Variants in PLXNA4 observed in about 807,000 individuals in gnomAD.
PLXNA4 encodes plexin A4.
PLXNA4 carries 44 observed loss-of-function variants against 191.8 expected under a neutral mutation model. That is an observed-to-expected ratio of 0.23 (90% CI 0.18 to 0.29). The LOEUF is 0.29. Ranked by LOEUF, PLXNA4 falls within the 10% of genes least tolerant of loss-of-function variation. The probability of loss-of-function intolerance (pLI) is 1.00; values close to 1 mark genes in which losing one functional copy is unlikely to be tolerated. For synonymous variants in PLXNA4, 1,082 were observed against 1,009.5 expected, an observed-to-expected ratio of 1.07 and a Z score of -1.36; for missense variants, 1,800 against 2,488.8, an observed-to-expected ratio of 0.72 and a Z score of 5.89.
intron 4 of PLXNA4, among the ~76,000 whole-genome samples, chr7:132,251,180 T>C (rs1417310552): frequency 6.6e-6 from 1 of 151,948 alleles, no homozygotes; most frequent in Non-Finnish European, 1.5e-5. Context: ...CTTCATCAGC[T>C]GTACTCCTAG....
chr7:132,327,874 TC>T (rs1029967053), intron 3 of PLXNA4, among the ~76,000 whole-genome samples: 30 of 152,134 alleles, frequency 2.0e-4, no homozygotes, highest in African/African-American at 7.2e-4. Context: ...ACCAGCCTCC[TC>T]CCCCATCACT....
intron 31 of PLXNA4, among the ~76,000 whole-genome samples, chr7:132,132,405 C>CTGTTCTGTTCTGTTCTGTTCTGTTCTGT (rs1563047881): frequency 1.6e-4 from 5 of 30,804 alleles, no homozygotes; most frequent in African/African-American, 7.9e-4. Context: ...CTGTTCTGTT[C>CTGTTCTGTTCTGTTCTGTTCTGTTCTGT]TGTTCTGTTC....
chr7:132,416,488 A>C (rs922215391), intron 3 of PLXNA4, among the ~76,000 whole-genome samples: 3 of 152,156 alleles, frequency 2.0e-5, no homozygotes, highest in African/African-American at 7.2e-5. Context: ...CATCCCACCC[A>C]GCCTGTCATT....
chr7:132,181,500 C>A lies in PLXNA4; in HGVS notation c.3373G>T (p.Val1125Phe), dbSNP rs544769667. The change falls in exon 18 of 32, where the codon GTC becomes TTC. Residue 1125 changes from valine (V) to phenylalanine (F), a missense_variant. Physicochemically the swap from Val to Phe is conservative, Grantham distance 50. Transcript: ENST00000321063. ...PEEFGFILDN[V>F]QSLLILNKTN... ...TTGTTGAGGATGAGCAGGGACTGGA[C>A]GTTGTCCAGGATGAAGCCAAACTCC... The A allele has an allele frequency of 6.2e-7, 1 of 1,613,984 alleles. No individual in the cohort carries two copies. The highest frequency in any genetic ancestry group is 1.7e-5 in the Admixed American group (1 of 59,996).
intron 3 of PLXNA4, among the ~76,000 whole-genome samples, chr7:132,404,189 C>T (rs1794115864): frequency 1.3e-5 from 2 of 152,184 alleles, no homozygotes; most frequent in African/African-American, 4.8e-5. Flanking sequence ...GAAGGCTGAA[C>T]CTTACTAACC....
intron 1 of PLXNA4, among the ~76,000 whole-genome samples, chr7:132,563,078 T>TCTC (rs1321365623): frequency 7.1e-4 from 18 of 25,306 alleles, no homozygotes; most frequent in Non-Finnish European, 9.4e-4. Flanking sequence ...TCCTCCTCCT[T>TCTC]CTCCTCCTCC....
chr7:132,552,706 A>C (rs1800614616), intron 1 of PLXNA4, among the ~76,000 whole-genome samples: 2 of 152,214 alleles, frequency 1.3e-5, no homozygotes, highest in South Asian at 4.1e-4. Flanking sequence ...ATCTGGAGAC[A>C]CACCCCCTTT....
chr7:132,232,868 A>G (rs539682637), intron 5 of PLXNA4, among the ~76,000 whole-genome samples: 4 of 152,216 alleles, frequency 2.6e-5, no homozygotes, highest in Non-Finnish European at 4.4e-5. Flanking sequence ...ACAAATTTCA[A>G]TTTGGAAACA....
intron 3 of PLXNA4, among the ~76,000 whole-genome samples, chr7:132,483,495 G>GT (rs1474066358): frequency 6.6e-6 from 1 of 152,166 alleles, no homozygotes; most frequent in Non-Finnish European, 1.5e-5. Flanking sequence ...TTAATGATAT[G>GT]TTTTTGTAAA....
At chr7:132,217,862 G>A (rs1798012933) in intron 9 of PLXNA4, among the ~76,000 whole-genome samples, 1 of 148,152 alleles carries the variant, frequency 6.7e-6, no homozygotes, top group Non-Finnish European at 1.5e-5. Flanking sequence ...TGGGGGTGGT[G>A]CATGGGTGGG....
intron 10 of PLXNA4, among the ~76,000 whole-genome samples, chr7:132,206,872 T>C (rs901934047): frequency 6.6e-6 from 1 of 152,006 alleles, no homozygotes; most frequent in Non-Finnish European, 1.5e-5. Flanking sequence ...TGCACAAAGC[T>C]CAGAGCCCAG....
rs1440738885 is a variant in PLXNA4 at position 132,556,329 on chromosome 7, C to A, written c.-87+20093G>T. 2.0e-5 allele frequency among the ~76,000 whole-genome samples: 3 copies of A among 152,172 alleles called. No homozygotes were observed. In the East Asian group the frequency reaches 5.8e-4, roughly 29 times the overall value. On this transcript the variant is annotated intron_variant, in intron 1 of 31. Transcript: ENST00000321063. ...CCCGCTATATCAGCAAACCTTGATACCCTTCCCCGGCACACTAGTTGAGGC... is the reference window on the plus strand; with the variant it reads ...CCCGCTATATCAGCAAACCTTGATAACCTTCCCCGGCACACTAGTTGAGGC...
chr7:132,621,769 G>A (rs1803273330), intron 2 of PLXNA4, among the ~76,000 whole-genome samples: 2 of 152,184 alleles, frequency 1.3e-5, no homozygotes, highest in African/African-American at 4.8e-5. Flanking sequence ...GAAAGAACCA[G>A]TTTCCCTAAA....
intron 30 of PLXNA4, among the ~76,000 whole-genome samples, chr7:132,135,040 T>C (rs1266582594): frequency 6.6e-6 from 1 of 152,164 alleles, no homozygotes; most frequent in African/African-American, 2.4e-5. Context: ...ATAAATGCCA[T>C]TGTTCCATTT....
At chr7:132,234,493 C>T (rs1482426136) in intron 5 of PLXNA4, among the ~76,000 whole-genome samples, 1 of 152,038 alleles carries the variant, frequency 6.6e-6, no homozygotes, top group Non-Finnish European at 1.5e-5. Context: ...AGTCAATAGA[C>T]TGGGAGGGAC....
intron 14 of PLXNA4, among the ~76,000 whole-genome samples, chr7:132,193,817 G>C (rs1797167754): frequency 6.6e-6 from 1 of 152,160 alleles, no homozygotes; most frequent in African/African-American, 2.4e-5. Flanking sequence ...TGGGCCCTGA[G>C]AGCTAAAGCA....
At chr7:132,340,825 G>A (rs1164604930) in intron 3 of PLXNA4, among the ~76,000 whole-genome samples, 1 of 152,128 alleles carries the variant, frequency 6.6e-6, no homozygotes, top group Non-Finnish European at 1.5e-5. Flanking sequence ...TTACAGACAT[G>A]TGCCACCACG....
chr7:132,377,306 C>T (rs1004077802), intron 3 of PLXNA4, among the ~76,000 whole-genome samples: 5 of 151,674 alleles, frequency 3.3e-5, no homozygotes, highest in Non-Finnish European at 7.4e-5. Flanking sequence ...TTTTCCAAGC[C>T]AAGTGACCTT....
At chr7:132,427,660 G>T (rs1461621213) in intron 3 of PLXNA4, among the ~76,000 whole-genome samples, 1 of 152,174 alleles carries the variant, frequency 6.6e-6, no homozygotes, top group Admixed American at 6.5e-5. Flanking sequence ...GACCTGCTGG[G>T]CTTTGCACAC....
Sources: gnomAD v4.1 joint callset for allele counts (sites outside exome capture counted in the v4.1 genomes callset) on GRCh38, gnomAD v4.1.1 for gene constraint, MANE v1.5 for transcripts, NCBI Gene and HGNC (gene_info 2026-07-23, HGNC 2026-07-21) for gene names.